The following KAZN variants were observed in gnomAD, a reference collection of about 807,000 sequenced individuals.
KAZN encodes kazrin.
KAZN carries 40 observed loss-of-function variants against 87.4 expected under a neutral mutation model. That is an observed-to-expected ratio of 0.46 (90% CI 0.36 to 0.60). KAZN has a LOEUF of 0.60. KAZN is among the 20% of genes least tolerant of loss of function. KAZN has a pLI of 0.00. For synonymous variants in KAZN, 466 were observed against 458.3 expected, an observed-to-expected ratio of 1.02 and a Z score of -0.22; for missense variants, 898 against 1,073.9, an observed-to-expected ratio of 0.84 and a Z score of 2.29.
At chr1:14,618,376 G>A (rs905525372) in intron 1 of KAZN, among the ~76,000 whole-genome samples, 3 of 152,236 alleles carry the variant, frequency 2.0e-5, no homozygotes, top group African/African-American at 7.2e-5. Flanking sequence ...ATGGAATAAA[G>A]GGATCATAAT....
intron 1 of KAZN, among the ~76,000 whole-genome samples, chr1:14,124,049 C>T (rs1644808914): frequency 6.6e-6 from 1 of 152,188 alleles, no homozygotes; most frequent in South Asian, 2.1e-4. Context: ...CGACTTTTCC[C>T]TCCATTTCCA....
intron 1 of KAZN, among the ~76,000 whole-genome samples, chr1:14,855,617 G>A (rs1447701386): frequency 6.6e-6 from 1 of 152,170 alleles, no homozygotes; most frequent in Non-Finnish European, 1.5e-5. Context: ...GGTCTTCCTT[G>A]CTCTTGGCAT....
chr1:14,863,872 G>C (rs1449896177), intron 1 of KAZN, among the ~76,000 whole-genome samples: 1 of 152,220 alleles, frequency 6.6e-6, no homozygotes, highest in Non-Finnish European at 1.5e-5. Context: ...CAGAGATCCA[G>C]AGTGCATGCA....
At chr1:14,356,491 GT>G (rs1186923634) in intron 2 of KAZN, among the ~76,000 whole-genome samples, 1 of 152,126 alleles carries the variant, frequency 6.6e-6, no homozygotes, top group South Asian at 2.1e-4. Context: ...TAGTCATGAA[GT>G]TTTTGCCCAT....
chr1:14,845,031 G>T (rs558019606), intron 1 of KAZN, among the ~76,000 whole-genome samples: 2 of 152,080 alleles, frequency 1.3e-5, no homozygotes, highest in East Asian at 3.9e-4. Context: ...TGGGTGAGTA[G>T]TTGGATGAGT....
intron 1 of KAZN, among the ~76,000 whole-genome samples, chr1:14,693,649 G>T (rs1641445969): frequency 6.6e-6 from 1 of 152,180 alleles, no homozygotes; most frequent in African/African-American, 2.4e-5. Flanking sequence ...AGTGTGTGTT[G>T]TGCGTGATTC....
At chr1:14,034,075 A>T (rs12058317) in intron 1 of KAZN, among the ~76,000 whole-genome samples, 5,862 of 152,272 alleles carry the variant, frequency 0.038, 396 homozygotes, top group African/African-American at 0.14. Context: ...CTGAGTTATT[A>T]CCTATACTAA....
rs2101105592 is a variant in KAZN, at chr1:14,882,524, G to C, written c.227-78160G>C. The stretch of plus-strand genomic sequence containing the variant: ...CTGCTCGAGGTCAGGCATATGGTTG[G>C]TTTTGATAAAGGAGGGCTTCTGTTA... On this transcript the variant is annotated intron_variant, in intron 1 of 14. Transcript: ENST00000376030. Among the ~76,000 whole-genome samples, 2 of 152,282 alleles carry C rather than the reference G, an allele frequency of 1.3e-5. 1 individual carries two copies. The highest frequency in any genetic ancestry group is 3.9e-4 in the East Asian group (2 of 5,172).
intron 1 of KAZN, among the ~76,000 whole-genome samples, chr1:14,836,338 G>T (rs537333167): frequency 2.0e-5 from 3 of 152,180 alleles, no homozygotes; most frequent in Non-Finnish European, 4.4e-5. Flanking sequence ...GCACCTCTGT[G>T]TCTCTTACCT....
rs975707166 is a variant in KAZN at position 15,000,800 on chromosome 1, C to A, written c.419-33949C>A. Among the ~76,000 whole-genome samples, 15 of 152,020 alleles carry A rather than the reference C, an allele frequency of 9.9e-5. 1 individual carries two copies. Among genetic ancestry groups the A allele is most frequent in the African/African-American group, 2.7e-4 (11 of 41,250 alleles). ...GTACGTTTGGATCAACATTAGGCAA[C>A]CTGGATTCAAATTCCAGCTTTGGCC... On this transcript the variant is annotated intron_variant, in intron 2 of 14. Coordinates refer to ENST00000376030, the MANE Select transcript of KAZN (RefSeq NM_201628.3).
chr1:14,892,702 G>A (rs1557595619), intron 1 of KAZN, among the ~76,000 whole-genome samples: 1 of 152,318 alleles, frequency 6.6e-6, no homozygotes, highest in Non-Finnish European at 1.5e-5. Flanking sequence ...GTTCATAGGG[G>A]TGTGTGTTCA....
intron 2 of KAZN, among the ~76,000 whole-genome samples, chr1:14,481,528 A>T (rs1669083808): frequency 6.6e-6 from 1 of 152,184 alleles, no homozygotes; most frequent in South Asian, 2.1e-4. Flanking sequence ...CTCATACATG[A>T]TTCCTAAAAT....
In KAZN at chr1:14,992,068, G is replaced by A. The variant is rs1250525037; in HGVS notation, c.418+31193G>A. The stretch of plus-strand genomic sequence containing the variant: ...TTCTGTTGGTCCTGGGTCACTGATG[G>A]CTCTGCCCAGCATGACAGTGAGTGC... On this transcript the variant is annotated intron_variant, in intron 2 of 14. Coordinates refer to ENST00000376030, the MANE Select transcript of KAZN (RefSeq NM_201628.3). Among the ~76,000 whole-genome samples the A allele has an allele frequency of 1.7e-4, 26 of 152,150 alleles. 1 individual carries two copies. The highest frequency in any genetic ancestry group is 1.7e-3 in the Admixed American group (26 of 15,276).
At chr1:14,635,627 A>C (rs536929028) in intron 1 of KAZN, among the ~76,000 whole-genome samples, 1 of 152,310 alleles carries the variant, frequency 6.6e-6, no homozygotes, top group East Asian at 1.9e-4. Context: ...TCCCTCTGCC[A>C]CGTTCTCTCA....
intron 1 of KAZN, among the ~76,000 whole-genome samples, chr1:13,960,551 C>T (rs1029329344): frequency 6.6e-6 from 1 of 152,152 alleles, no homozygotes; most frequent in South Asian, 2.1e-4. Flanking sequence ...CATCTTGGAA[C>T]GCTACGTGCA....
At chr1:14,288,128 G>A (rs1292330179) in intron 2 of KAZN, among the ~76,000 whole-genome samples, 1 of 152,162 alleles carries the variant, frequency 6.6e-6, no homozygotes, top group Non-Finnish European at 1.5e-5. Context: ...AGGGATATTG[G>A]TGTAAAATTC....
chr1:14,186,488 A>G (rs1184702732), intron 2 of KAZN, among the ~76,000 whole-genome samples: 1 of 152,162 alleles, frequency 6.6e-6, no homozygotes, highest in East Asian at 1.9e-4. Flanking sequence ...TTAGGTGTCA[A>G]AAGCTTAAAA....
At chr1:14,660,182 C>T (rs1639059932) in intron 1 of KAZN, among the ~76,000 whole-genome samples, 2 of 152,222 alleles carry the variant, frequency 1.3e-5, no homozygotes, top group South Asian at 4.1e-4. Context: ...TCACCTGCAA[C>T]TGCCCGTGCC....
chr1:15,041,997 C>A (rs1672975487), intron 3 of KAZN, among the ~76,000 whole-genome samples: 1 of 152,222 alleles, frequency 6.6e-6, no homozygotes, highest in African/African-American at 2.4e-5. Context: ...CTGTACAGAA[C>A]GTTCTGTGAC....
Sources: gnomAD v4.1 joint callset for allele counts (sites outside exome capture counted in the v4.1 genomes callset) on GRCh38, gnomAD v4.1.1 for gene constraint, MANE v1.5 for transcripts, NCBI Gene and HGNC (gene_info 2026-07-23, HGNC 2026-07-21) for gene names.